Variants in WWC2 observed in about 807,000 individuals in gnomAD.
The protein encoded by WWC2 is WW and C2 domain containing 2, also known as protein WWC2.
In WWC2, 101 loss-of-function variants were observed where a neutral mutation model predicts 138.5. That is an observed-to-expected ratio of 0.73 (90% CI 0.62 to 0.86). The LOEUF (loss-of-function observed/expected upper bound fraction) is 0.86. WWC2 is among the 40% of genes least tolerant of loss of function. The pLI is 0.00. For synonymous variants in WWC2, 558 were observed against 538.4 expected (o/e 1.04, Z -0.50); for missense variants, 1,420 against 1,419.4 (o/e 1.00, Z -0.01).
At chr4:183,131,628 A>T (rs7670630) in intron 1 of WWC2, among the ~76,000 whole-genome samples, 7,297 of 152,200 alleles carry the variant, frequency 0.048, 604 homozygotes, top group African/African-American at 0.17. Flanking sequence ...TCTTCTACTT[A>T]ATTGCTTGTT....
At chr4:183,294,737 A>G (rs572235891) in intron 21 of WWC2, among the ~76,000 whole-genome samples, 2 of 146,470 alleles carry the variant, frequency 1.4e-5, no homozygotes, top group Non-Finnish European at 3.0e-5. Flanking sequence ...GAAAAGTACC[A>G]TAAATATACT....
intron 1 of WWC2, among the ~76,000 whole-genome samples, chr4:183,180,423 C>T (rs866283860): frequency 6.6e-6 from 1 of 152,120 alleles, no homozygotes; most frequent in South Asian, 2.1e-4. Context: ...TCGTAGAATA[C>T]TGTGCCTGTA....
chr4:183,196,243 T>A (rs1040857765), intron 2 of WWC2, among the ~76,000 whole-genome samples: 9 of 152,148 alleles, frequency 5.9e-5, no homozygotes, highest in African/African-American at 2.2e-4. Flanking sequence ...CAGGTATTCC[T>A]TTATAACAAG....
intron 1 of WWC2, among the ~76,000 whole-genome samples, chr4:183,160,012 T>C (rs1008831998): frequency 1.3e-5 from 2 of 152,204 alleles, no homozygotes; most frequent in Non-Finnish European, 2.9e-5. Flanking sequence ...ATGTCAGTTA[T>C]GATGGTTTAC....
At chr4:183,144,149 C>A (rs80025056) in intron 1 of WWC2, among the ~76,000 whole-genome samples, 1 of 152,186 alleles carries the variant, frequency 6.6e-6, no homozygotes, top group Non-Finnish European at 1.5e-5. Context: ...TTCAGAACTT[C>A]TGAATGATTT....
intron 18 of WWC2, among the ~76,000 whole-genome samples, chr4:183,283,738 G>A (rs534921271): frequency 6.6e-6 from 1 of 152,218 alleles, no homozygotes; most frequent in East Asian, 1.9e-4. Context: ...GTTTATACAT[G>A]TATAATTGCA....
At chr4:183,186,962 T>C (rs970347996) in intron 1 of WWC2, among the ~76,000 whole-genome samples, 1 of 152,172 alleles carries the variant, frequency 6.6e-6, no homozygotes, top group Admixed American at 6.5e-5. Flanking sequence ...TACCTCGTTA[T>C]GTTTCCTGCC....
chr4:183,314,408 A>G (rs1053793370), intron 22 of WWC2, among the ~76,000 whole-genome samples: 2 of 152,240 alleles, frequency 1.3e-5, no homozygotes, highest in Non-Finnish European at 2.9e-5. Context: ...GATACGAAGC[A>G]TATTATATCA....
chr4:183,107,216 G>A (rs1360391923), intron 1 of WWC2, among the ~76,000 whole-genome samples: 3 of 151,862 alleles, frequency 2.0e-5, no homozygotes, highest in African/African-American at 4.8e-5. Flanking sequence ...GGAGTGCAGT[G>A]GTGATCTCGG....
chr4:183,177,843 T>A (rs1734508405), intron 1 of WWC2, among the ~76,000 whole-genome samples: 1 of 152,168 alleles, frequency 6.6e-6, no homozygotes, highest in Admixed American at 6.5e-5. Context: ...GCAGTTAGAC[T>A]TGGTTTAATT....
chr4:183,280,229 G>GTTTTTTTTTTTTTTTTTTTTTTTTTT (rs869235261), intron 16 of WWC2, among the ~76,000 whole-genome samples: 12 of 65,432 alleles, frequency 1.8e-4, no homozygotes, highest in South Asian at 8.3e-4. Context: ...GATAGCAGCT[G>GTTTTTTTTTTTTTTTTTTTTTTTTTT]TTTTTTTTTT....
chr4:183,162,455 C>A (rs4241761), intron 1 of WWC2, among the ~76,000 whole-genome samples: 149,450 of 152,264 alleles, frequency 0.98, 73,397 homozygotes, highest in Middle Eastern at 1. Context: ...CCTTTCCAAA[C>A]AATAAACGTT....
In WWC2 at chr4:183,316,039, C is replaced by T. The variant is rs992073303; in HGVS notation, c.*310C>T. On this transcript the variant is annotated 3_prime_UTR_variant, in exon 23 of 23. Transcript: ENST00000403733. The stretch of plus-strand genomic sequence containing the variant: ...TAAAAATGGAATAGAGGCAGTACCC[C>T]ACATGTGTACTGTTGAGCCGGCTGT... 5.3e-5 allele frequency: 11 copies of T among 206,708 alleles called. No individual in the cohort carries two copies. Among genetic ancestry groups the T allele is most frequent in the African/African-American group, 2.9e-4 (10 of 33,968 alleles). 12.8% of individuals were successfully genotyped at this position (206,708 alleles called of 1,614,324 possible). A position where few individuals can be genotyped will look rare whatever the true frequency, so the allele number is the denominator to read the frequency against.
intron 1 of WWC2, among the ~76,000 whole-genome samples, chr4:183,121,586 G>T (rs191552923): frequency 1.3e-5 from 2 of 152,124 alleles, no homozygotes; most frequent in East Asian, 3.9e-4. Flanking sequence ...GTTTCAAATT[G>T]TTCTTTATGG....
At chr4:183,292,900 A>G (rs1245599052) in intron 21 of WWC2, among the ~76,000 whole-genome samples, 1 of 152,256 alleles carries the variant, frequency 6.6e-6, no homozygotes, top group Non-Finnish European at 1.5e-5. Context: ...CCAACACTGT[A>G]TTAAAAAGAT....
chr4:183,280,901 A>G lies in WWC2; in HGVS notation c.2684+4A>G. The stretch of plus-strand genomic sequence containing the variant: ...CAAGGGGCCCAGATGGAGACTGGTT[A>G]AACACTTATTTCCTTTGCTGTTGGG... On this transcript the variant is annotated splice_donor_region_variant and intron_variant, in intron 17 of 22. Coordinates refer to ENST00000403733, the MANE Select transcript of WWC2 (RefSeq NM_024949.6). The G allele has an allele frequency of 6.4e-7, 1 of 1,556,136 alleles. No individual in the cohort carries two copies. Among genetic ancestry groups the G allele is most frequent in the Non-Finnish European group, 8.7e-7 (1 of 1,149,830 alleles).
At chr4:183,251,254 C>A (rs753268284) in intron 8 of WWC2, among the ~76,000 whole-genome samples, 1 of 152,234 alleles carries the variant, frequency 6.6e-6, no homozygotes, top group Non-Finnish European at 1.5e-5. Flanking sequence ...TGTGGCCCGG[C>A]AATGTGCCAG....
chr4:183,200,523 G>T (rs1397337920), intron 2 of WWC2, among the ~76,000 whole-genome samples: 1 of 152,044 alleles, frequency 6.6e-6, no homozygotes, highest in Non-Finnish European at 1.5e-5. Flanking sequence ...TGTGGGCCAT[G>T]AATCTAGGCA....
chr4:183,148,449 G>A (rs974386259), intron 1 of WWC2, among the ~76,000 whole-genome samples: 1 of 152,090 alleles, frequency 6.6e-6, no homozygotes, highest in Non-Finnish European at 1.5e-5. Flanking sequence ...AAAGAACATT[G>A]ATATCCATCT....
Sources: allele counts gnomAD v4.1 joint callset (sites outside exome capture counted in the v4.1 genomes callset), GRCh38; gene constraint gnomAD v4.1.1; transcripts MANE v1.5; gene names NCBI Gene and HGNC (gene_info 2026-07-23, HGNC 2026-07-21).